The following JHY variants were observed in gnomAD, a reference collection of about 807,000 sequenced individuals.
The protein encoded by JHY is junctional cadherin complex regulator, also known as jhy protein homolog.
A neutral mutation model predicts 78.0 loss-of-function variants in JHY; 69 were observed. The observed-to-expected ratio is 0.88, with a 90% CI of 0.73 to 1.08. The LOEUF is 1.08. Ranked by LOEUF, JHY falls within the 50% of genes least tolerant of loss-of-function variation. JHY has a pLI of 0.00. For synonymous variants in JHY, 368 were observed against 342.6 expected, an observed-to-expected ratio of 1.07 and a Z score of -0.82; for missense variants, 944 against 927.8, an observed-to-expected ratio of 1.02 and a Z score of -0.23.
rs1251579578 is a variant in JHY at position 122,962,593 on chromosome 11, G to C, written c.*3148G>C. 6.6e-6 allele frequency among the ~76,000 whole-genome samples: 1 copy of C among 152,208 alleles called. No individual in the cohort carries two copies. Among genetic ancestry groups the C allele is most frequent in the Non-Finnish European group, 1.5e-5 (1 of 68,034 alleles). On this transcript the variant is annotated 3_prime_UTR_variant, in exon 9 of 9. Transcript: ENST00000227349. ...ATGAAGACATTTCTAGAAATATGAG[G>C]TAGAATGAATAACCTTCATTAATTG... is the stretch of plus-strand genomic sequence containing the variant.
chr11:122,954,560 C>T (rs115191719), intron 6 of JHY, among the ~76,000 whole-genome samples: 1,552 of 152,262 alleles, frequency 0.01, 28 homozygotes, highest in African/African-American at 0.035. Flanking sequence ...AGTCTCTGGA[C>T]GACCTCTGCT....
At chr11:122,949,132 C>T (rs1249058958) in intron 6 of JHY, among the ~76,000 whole-genome samples, 1 of 151,570 alleles carries the variant, frequency 6.6e-6, no homozygotes, top group African/African-American at 2.4e-5. Flanking sequence ...AGTACCAGTA[C>T]GAACAAAGGT....
At chr11:122,910,535 A>G (rs1172030881) in intron 3 of JHY, among the ~76,000 whole-genome samples, 3 of 152,152 alleles carry the variant, frequency 2.0e-5, no homozygotes, top group African/African-American at 7.2e-5. Context: ...CATGGCACGC[A>G]TAAGAAATTG....
At chr11:122,903,511 C>T (rs1032627021) in intron 2 of JHY, among the ~76,000 whole-genome samples, 1 of 152,160 alleles carries the variant, frequency 6.6e-6, no homozygotes, top group South Asian at 2.1e-4. Flanking sequence ...CAAGGTCTCA[C>T]GCTGTCTCCC....
Position 122,885,859 on chromosome 11 carries a change from C to T in JHY, c.10C>T (p.Arg4Cys), listed in dbSNP as rs770707669. 2.2e-5 allele frequency: 35 copies of T among 1,606,260 alleles called. No homozygotes were observed. Among genetic ancestry groups the T allele is most frequent in the Non-Finnish European group, 2.9e-5 (34 of 1,174,572 alleles). ...TTTTGCATTTTTCAAGATGAGTAAA[C>T]GTAAACTAATTCCCAAGCTCTCTAT... Reference protein sequence around the residue: MSKRKLIPKLSIQS... With the variant: MSKCKLIPKLSIQS... The change falls in exon 2 of 9, where the codon CGT becomes TGT. Residue 4 changes from arginine (R) to cysteine (C), a missense_variant. Arg to Cys is a radical substitution (Grantham distance 180). Transcript: ENST00000227349.
intron 4 of JHY, chr11:122,927,073 T>C (rs1219167125): frequency 6.6e-6 from 1 of 152,242 alleles, no homozygotes; most frequent in Non-Finnish European, 1.5e-5. Context: ...GTGAGGTTTA[T>C]ACAGGGTGCA....
At chr11:122,957,132 G>A (rs1440871677) in intron 7 of JHY, among the ~76,000 whole-genome samples, 4 of 152,144 alleles carry the variant, frequency 2.6e-5, no homozygotes, top group Admixed American at 1.3e-4. Flanking sequence ...CCCTGTTAAG[G>A]GAATACCGGG....
chr11:122,943,685 C>A (rs923503992), intron 5 of JHY, among the ~76,000 whole-genome samples: 1 of 152,156 alleles, frequency 6.6e-6, no homozygotes, highest in Non-Finnish European at 1.5e-5. Flanking sequence ...TTCTTTTAAT[C>A]CTGATGTAAT....
At chr11:122,891,728 A>T (rs1000372244) in intron 2 of JHY, among the ~76,000 whole-genome samples, 1 of 152,136 alleles carries the variant, frequency 6.6e-6, no homozygotes, top group African/African-American at 2.4e-5. Context: ...TTGGATAGGC[A>T]TTATTATCCC....
intron 6 of JHY, among the ~76,000 whole-genome samples, chr11:122,949,834 T>C (rs1344214455): frequency 7.8e-6 from 1 of 127,582 alleles, no homozygotes; most frequent in Non-Finnish European, 1.7e-5. Flanking sequence ...TTCTTTTCTT[T>C]CTTTTCTTTT....
intron 6 of JHY, among the ~76,000 whole-genome samples, chr11:122,955,663 A>C (rs1015384702): frequency 6.6e-6 from 1 of 152,200 alleles, no homozygotes; most frequent in Non-Finnish European, 1.5e-5. Flanking sequence ...TGAATGAACA[A>C]TATGAGTTTC....
At position 122,960,562 on chromosome 11, in the gene JHY, A is replaced by G. The variant is rs898365193; in HGVS notation, c.*1117A>G. The G allele has an allele frequency of 2.1e-5, 5 of 243,154 alleles. No homozygotes were observed. Among genetic ancestry groups the G allele is most frequent in the Admixed American group, 4.0e-5 (1 of 24,960 alleles). 15.1% of individuals were successfully genotyped at this position (243,154 alleles called of 1,614,324 possible). ...CCTGAAACCAGTGTAACAGGACCCT[A>G]TGTGCTCCAAACTGGGCTTATCTTG... On this transcript the variant is annotated 3_prime_UTR_variant, in exon 9 of 9. Transcript: ENST00000227349.
In JHY at chr11:122,898,526, A is replaced by G. The variant is rs1862783030; in HGVS notation, c.345-5399A>G. Among the ~76,000 whole-genome samples, 1 of 152,200 alleles carries G rather than the reference A, an allele frequency of 6.6e-6. No individual in the cohort carries two copies. The highest frequency in any genetic ancestry group is 2.4e-5 in the African/African-American group (1 of 41,458). On this transcript the variant is annotated intron_variant, in intron 2 of 8. Coordinates refer to ENST00000227349, the MANE Select transcript of JHY (RefSeq NM_024806.4). The surrounding 1 kb of genome is among the most constrained non-coding windows in gnomAD (Gnocchi z 4.4). Reference sequence around the variant, plus strand: ...ACTCACAACAAACATTCCCTAGATCATCAAACAGTAACACGTGCTCCCTTT... The same window carrying G: ...ACTCACAACAAACATTCCCTAGATCGTCAAACAGTAACACGTGCTCCCTTT...
intron 8 of JHY, chr11:122,958,730 C>A: frequency 8.1e-6 from 8 of 984,084 alleles, no homozygotes; most frequent in Non-Finnish European, 8.4e-6. Flanking sequence ...CCTTTTTCAG[C>A]GTCTAGATTG....
chr11:122,890,018 A>G (rs915615811), intron 2 of JHY, among the ~76,000 whole-genome samples: 1 of 151,106 alleles, frequency 6.6e-6, no homozygotes, highest in Non-Finnish European at 1.5e-5. Flanking sequence ...AAGTGCTAGG[A>G]TTACAGGCGT....
chr11:122,924,845 C>G, intron 3 of JHY, 52 bp from the exon 4 acceptor site: 3 of 1,453,720 alleles, frequency 2.1e-6, no homozygotes, highest in Non-Finnish European at 2.9e-6. Flanking sequence ...TCCCATGGCT[C>G]TAAGACTAAA....
intron 3 of JHY, among the ~76,000 whole-genome samples, chr11:122,924,543 A>G (rs1236821766): frequency 6.6e-6 from 1 of 152,208 alleles, no homozygotes; most frequent in Non-Finnish European, 1.5e-5. Context: ...CTTGGCGTAT[A>G]GTGTTATTTC....
intron 3 of JHY, among the ~76,000 whole-genome samples, chr11:122,913,763 A>G (rs772847294): frequency 1.1e-4 from 16 of 152,190 alleles, no homozygotes; most frequent in Admixed American, 4.6e-4. Context: ...CCCACACTGC[A>G]CTGTCTGCAT....
intron 2 of JHY, 105 bp from the exon 3 acceptor site, chr11:122,903,815 AAAACT>A: frequency 7.1e-7 from 1 of 1,406,894 alleles, no homozygotes; most frequent in Non-Finnish European, 9.6e-7. Flanking sequence ...TAATAAAAGG[AAAACT>A]ATAGGAGAAA....
Sources: allele counts gnomAD v4.1 joint callset (sites outside exome capture counted in the v4.1 genomes callset), GRCh38; gene constraint gnomAD v4.1.1; non-coding constraint Gnocchi (gnomAD v3.1); transcripts MANE v1.5; gene names NCBI Gene and HGNC (gene_info 2026-07-23, HGNC 2026-07-21).